The following RASSF2 variants were observed in gnomAD, a reference collection of about 807,000 sequenced individuals.
The protein encoded by RASSF2 is Ras association domain family member 2.
Under a neutral mutation model 46.3 loss-of-function variants are expected in RASSF2, and 34 were observed. The observed-to-expected ratio is 0.73, with a 90% CI of 0.56 to 0.98. The LOEUF (loss-of-function observed/expected upper bound fraction) is 0.98. RASSF2 is among the 50% of genes least tolerant of loss of function. The pLI, the probability that RASSF2 is intolerant of heterozygous loss-of-function variation, is 0.00. For missense variants in RASSF2, 364 were observed against 431.2 expected, an observed-to-expected ratio of 0.84 and a Z score of 1.38; for synonymous variants, 158 against 162.5, an observed-to-expected ratio of 0.97 and a Z score of 0.21.
chr20:4,810,345 C>T (rs1927681809), intron 2 of RASSF2, among the ~76,000 whole-genome samples: 1 of 152,242 alleles, frequency 6.6e-6, no homozygotes, highest in Non-Finnish European at 1.5e-5. Context: ...AAAATCACAG[C>T]CTCAGCTTCC....
At chr20:4,792,364 T>C (rs2122484389) in intron 6 of RASSF2, among the ~76,000 whole-genome samples, 175 bp downstream of exon 6, 1 of 152,096 alleles carries the variant, frequency 6.6e-6, no homozygotes, top group South Asian at 2.1e-4. Flanking sequence ...CCACGAAGGA[T>C]GTTCTCGGGA....
At chr20:4,811,393 C>T (rs1436366253) in intron 2 of RASSF2, among the ~76,000 whole-genome samples, 1 of 151,990 alleles carries the variant, frequency 6.6e-6, no homozygotes, top group African/African-American at 2.4e-5. Flanking sequence ...CAGATTGCAG[C>T]CCAGATCAAT....
chr20:4,803,169 C>G (rs1927038222), intron 2 of RASSF2, among the ~76,000 whole-genome samples: 1 of 151,990 alleles, frequency 6.6e-6, no homozygotes, highest in Non-Finnish European at 1.5e-5. Context: ...CCTCGGCCTC[C>G]CAAAGTGCTG....
At chr20:4,810,400 G>C (rs1927685360) in intron 2 of RASSF2, among the ~76,000 whole-genome samples, 1 of 152,296 alleles carries the variant, frequency 6.6e-6, no homozygotes, top group Non-Finnish European at 1.5e-5. Context: ...TCTAGGAGGA[G>C]GGAAAGGCGT....
At chr20:4,816,652 A>G (rs973822544) in intron 2 of RASSF2, among the ~76,000 whole-genome samples, 1 of 152,232 alleles carries the variant, frequency 6.6e-6, no homozygotes, top group Non-Finnish European at 1.5e-5. Context: ...AAACATAAAA[A>G]TAAATTATTA....
At chr20:4,806,563 G>A (rs965817204) in intron 2 of RASSF2, among the ~76,000 whole-genome samples, 1 of 152,158 alleles carries the variant, frequency 6.6e-6, no homozygotes, top group African/African-American at 2.4e-5. Flanking sequence ...TCCCGCCTCA[G>A]CCTCCCGAAG....
chr20:4,796,703 G>A (rs56305008), intron 4 of RASSF2, among the ~76,000 whole-genome samples: 38,279 of 152,104 alleles, frequency 0.25, 5,274 homozygotes, highest in African/African-American at 0.35. Context: ...GTTCTATCCC[G>A]AAGAATTGGG....
At chr20:4,815,287 C>T (rs1928209359) in intron 2 of RASSF2, among the ~76,000 whole-genome samples, 1 of 152,162 alleles carries the variant, frequency 6.6e-6, no homozygotes, top group Non-Finnish European at 1.5e-5. Flanking sequence ...GCACCATGGC[C>T]CCGACTGTAC....
At chr20:4,789,747 G>A in intron 7 of RASSF2, 50 bp from the exon 8 acceptor site, 1 of 1,510,100 alleles carries the variant, frequency 6.6e-7, no homozygotes, top group Non-Finnish European at 9.2e-7. Context: ...CAAGGACCCA[G>A]TGCTAAAATC....
chr20:4,814,947 G>A (rs574062225), intron 2 of RASSF2, among the ~76,000 whole-genome samples: 5 of 152,310 alleles, frequency 3.3e-5, no homozygotes, highest in South Asian at 2.1e-4. Flanking sequence ...CCGCAGAGGC[G>A]GCTCTATCAA....
At chr20:4,816,022 T>C (rs1244667701) in intron 2 of RASSF2, among the ~76,000 whole-genome samples, 1 of 152,190 alleles carries the variant, frequency 6.6e-6, no homozygotes, top group African/African-American at 2.4e-5. Flanking sequence ...TAAATATAGG[T>C]CAGGTTCCAT....
Position 4,819,337 on chromosome 20 carries a change from C to A in RASSF2, c.-33+2992G>T, listed in dbSNP as rs973348348. 2.0e-5 allele frequency among the ~76,000 whole-genome samples: 3 copies of A among 152,120 alleles called. No homozygotes were observed. In the East Asian group the frequency reaches 5.8e-4, roughly 29 times the overall value. ...AGGTTGGTTTCACCCAAAAGTAGAT[C>A]GTGAAACAAGAATTCAAGTTCAAGT... is the stretch of plus-strand genomic sequence containing the variant. On this transcript the variant is annotated intron_variant, in intron 2 of 11. Transcript: ENST00000379400.
chr20:4,790,536 C>A lies in RASSF2; in HGVS notation c.452G>T (p.Arg151Leu). 1 of 1,532,202 alleles carries A rather than the reference C, an allele frequency of 6.5e-7. No homozygotes were observed. Among genetic ancestry groups the A allele is most frequent in the South Asian group, 1.3e-5 (1 of 79,650 alleles). The allele number at this position is 1,532,202 out of a possible 1,614,324, so 94.9% of individuals were successfully genotyped here. The change falls in exon 7 of 12, where the codon CGC becomes CTC. Residue 151 changes from arginine (R) to leucine (L), a missense_variant. By Grantham distance (102) the Arg-to-Leu change is moderately radical. Transcript: ENST00000379400. The surrounding 1 kb of genome is among the most constrained non-coding windows in gnomAD (Gnocchi z 4.3). Reference protein sequence around the residue: ...MRTRSDVGVRRRGNVRTPSDQ... With the variant: ...MRTRSDVGVRLRGNVRTPSDQ... ...ACTAGGCGTCCTCACATTGCCACGG[C>A]GACGCACCCCAACATCACTGCGTGT...
intron 10 of RASSF2, 52 bp downstream of exon 10, chr20:4,787,581 A>G (rs369304111): frequency 6.2e-7 from 1 of 1,611,636 alleles, no homozygotes; most frequent in African/African-American, 1.3e-5. Flanking sequence ...AGGTGGTCCA[A>G]CCAAATCCCC....
chr20:4,799,980 C>T (rs957128933), intron 3 of RASSF2, among the ~76,000 whole-genome samples: 6 of 152,114 alleles, frequency 3.9e-5, no homozygotes, highest in East Asian at 1.9e-4. Context: ...GGTGTGGTGG[C>T]GCATGCCTGT....
chr20:4,802,582 T>C (rs1034741947), intron 2 of RASSF2, among the ~76,000 whole-genome samples: 6 of 152,072 alleles, frequency 3.9e-5, no homozygotes, highest in Admixed American at 1.3e-4. Flanking sequence ...AAAAATACCA[T>C]ATGATTCCAC....
intron 6 of RASSF2, among the ~76,000 whole-genome samples, chr20:4,791,949 G>A (rs1039197146): frequency 5.9e-5 from 9 of 152,150 alleles, no homozygotes; most frequent in Non-Finnish European, 1.0e-4. Flanking sequence ...ATAACTAGGG[G>A]AAGAAAAGAA....
Position 4,790,539 on chromosome 20 carries a change from C to A in RASSF2, c.449G>T (p.Arg150Leu). 6.5e-7 allele frequency: 1 copy of A among 1,532,514 alleles called. No homozygotes were observed. The highest frequency in any genetic ancestry group is 1.7e-4 in the Middle Eastern group (1 of 5,846). 94.9% of individuals were successfully genotyped at this position (1,532,514 alleles called of 1,614,324 possible). A position where few individuals can be genotyped will look rare whatever the true frequency, so the allele number is the denominator to read the frequency against. Residue 150 changes from arginine to leucine, a missense_variant, in exon 7 of 12, where the codon CGT becomes CTT. Coordinates refer to ENST00000379400, the MANE Select transcript of RASSF2 (RefSeq NM_014737.3). This position sits in a 1 kb window ranked among gnomAD's most constrained non-coding sequence, Gnocchi z 4.3. ...LMRTRSDVGV[R>L]RRGNVRTPSD... ...AGGCGTCCTCACATTGCCACGGCGA[C>A]GCACCCCAACATCACTGCGTGTGCG... is the stretch of plus-strand genomic sequence containing the variant.
At chr20:4,785,072 G>A (rs1298555675) in intron 11 of RASSF2, among the ~76,000 whole-genome samples, 1 of 151,418 alleles carries the variant, frequency 6.6e-6, no homozygotes, top group Non-Finnish European at 1.5e-5. Context: ...CACTCTGAGA[G>A]GCCGAGGAGG....
Sources: gnomAD v4.1 joint callset for allele counts (sites outside exome capture counted in the v4.1 genomes callset) on GRCh38, gnomAD v4.1.1 for gene constraint, Gnocchi (gnomAD v3.1) non-coding constraint, MANE v1.5 for transcripts, NCBI Gene and HGNC (gene_info 2026-07-23, HGNC 2026-07-21) for gene names.